ZNF462: variants seen among roughly 807,000 people sequenced by gnomAD.
ZNF462 encodes the protein zinc finger PBX1-interacting protein.
ZNF462 carries 10 observed loss-of-function variants against 201.9 expected under a neutral mutation model. That is an observed-to-expected ratio of 0.05 (90% CI 0.03 to 0.08). ZNF462 has a LOEUF of 0.08. ZNF462 is among the 10% of genes least tolerant of loss of function. ZNF462 has a pLI of 1.00. For missense variants in ZNF462, 2,523 were observed against 3,168.3 expected (o/e 0.80, Z 4.89); for synonymous variants, 1,227 against 1,193.3 (o/e 1.03, Z -0.58).
rs982142594 is a variant in ZNF462, at chr9:106,954,909, G to A, written c.6427+15802G>A. ...TTTTATTCTGAACAATGAATATAAGGCTGCTTCCTTCCTAGAGTAGATGTC... is the reference window on the plus strand; with the variant it reads ...TTTTATTCTGAACAATGAATATAAGACTGCTTCCTTCCTAGAGTAGATGTC... On this transcript the variant is annotated intron_variant, in intron 7 of 12. Transcript: ENST00000277225. The surrounding 1 kb of genome is among the most constrained non-coding windows in gnomAD (Gnocchi z 4.0). 7.9e-5 allele frequency among the ~76,000 whole-genome samples: 12 copies of A among 152,108 alleles called. No homozygotes were observed. The highest frequency in any genetic ancestry group is 1.3e-4 in the Admixed American group (2 of 15,246).
rs192672786 is a variant in ZNF462 at position 106,920,833 on chromosome 9, G to A, written c.-30-2521G>A. The stretch of plus-strand genomic sequence containing the variant: ...TGCCCTGCTTTCCTTCTGCAGAACC[G>A]TAACTTCTGTTGATGTTGTGCAAAT... On this transcript the variant is annotated intron_variant, in intron 1 of 12. Coordinates refer to ENST00000277225, the MANE Select transcript of ZNF462 (RefSeq NM_021224.6). The surrounding 1 kb of genome is among the most constrained non-coding windows in gnomAD (Gnocchi z 4.3). Among the ~76,000 whole-genome samples the A allele has an allele frequency of 5.3e-5, 8 of 152,234 alleles. No homozygotes were observed. In the East Asian group the frequency reaches 1.2e-3, roughly 22 times the overall value.
Position 106,925,480 on chromosome 9 carries a change from C to T in ZNF462, c.1568C>T (p.Ser523Leu). 1 of 1,614,158 alleles carries T rather than the reference C, an allele frequency of 6.2e-7. No homozygotes were observed. Residue 523 changes from serine (S) to leucine (L), a missense_variant, in exon 3 of 13, where the codon TCA (serine) becomes TTA (leucine). By Grantham distance (145) the Ser-to-Leu change is moderately radical. Transcript: ENST00000277225. This position sits in a 1 kb window ranked among gnomAD's most constrained non-coding sequence, Gnocchi z 7.9. Reference sequence around the variant, plus strand: ...GAAGGTGTGGTGTCTTATGAGAGCTCAAGCATCAATGGTAGAAAGTCAGGA... The same window carrying T: ...GAAGGTGTGGTGTCTTATGAGAGCTTAAGCATCAATGGTAGAAAGTCAGGA... The part of the protein sequence containing the change: ...LNEGVVSYES[S>L]SINGRKSGVM...
intron 7 of ZNF462, among the ~76,000 whole-genome samples, chr9:106,949,758 C>T (rs1831260255): frequency 6.6e-6 from 1 of 152,172 alleles, no homozygotes; most frequent in Admixed American, 6.5e-5. Context: ...GACTGGCTCA[C>T]AGCCTTGCTT....
Position 106,908,941 on chromosome 9 carries a change from A to T in ZNF462, c.-30-14413A>T, listed in dbSNP as rs13302321. 4.7e-3 allele frequency among the ~76,000 whole-genome samples: 118 copies of T among 25,328 alleles called. 3 individuals are homozygous for T. Among genetic ancestry groups the T allele is most frequent in the Non-Finnish European group, 5.5e-3 (84 of 15,276 alleles). 16.6% of individuals were successfully genotyped at this position (25,328 alleles called of 152,430 possible). A position where few individuals can be genotyped will look rare whatever the true frequency, so the allele number is the denominator to read the frequency against. On this transcript the variant is annotated intron_variant, in intron 1 of 12. Transcript: ENST00000277225. ...TATATATATATATATATATATATAT[A>T]TTTTTTTTTTTTTTTTTTTTTTTTT... is the stretch of plus-strand genomic sequence containing the variant.
chr9:106,889,590 A>G (rs1284075727), intron 1 of ZNF462, among the ~76,000 whole-genome samples: 1 of 152,208 alleles, frequency 6.6e-6, no homozygotes, highest in African/African-American at 2.4e-5. Flanking sequence ...TTTTCCTGTT[A>G]CTGAATGCTG....
In ZNF462 at chr9:107,002,810, C is replaced by T. The variant is rs141126423; in HGVS notation, c.7057-484C>T. ...GGCTGTCATCTGGCCTAAGCCGGGA[C>T]AGCCTGCAACACCCTGGTTGATGGG... On this transcript the variant is annotated intron_variant, in intron 10 of 12. Transcript: ENST00000277225. Among the ~76,000 whole-genome samples the T allele has an allele frequency of 3.0e-3, 462 of 152,320 alleles. 2 individuals carry two copies. The highest frequency in any genetic ancestry group is 9.7e-3 in the African/African-American group (405 of 41,582).
In ZNF462 at chr9:107,003,235, G is replaced by A; in HGVS notation, c.7057-59G>A. The A allele has an allele frequency of 2.5e-6, 4 of 1,598,502 alleles. No homozygotes were observed. The South Asian group carries it at 3.4e-5, about 14-fold the overall frequency. On this transcript the variant is annotated intron_variant, in intron 10 of 12. Transcript: ENST00000277225. The surrounding 1 kb of genome is among the most constrained non-coding windows in gnomAD (Gnocchi z 4.4). ...TGATGTTAGAAAGATCTCTCCATCA[G>A]GGAGAACCCCATTTGGTCTGCGGTT...
chr9:106,914,587 A>G (rs1466515902), intron 1 of ZNF462, among the ~76,000 whole-genome samples: 1 of 152,176 alleles, frequency 6.6e-6, no homozygotes, highest in Non-Finnish European at 1.5e-5. Flanking sequence ...TAGTTCATTC[A>G]TTTGTTCCTT....
intron 1 of ZNF462, among the ~76,000 whole-genome samples, chr9:106,921,661 A>T (rs1482592392): frequency 1.3e-5 from 2 of 152,196 alleles, no homozygotes; most frequent in Non-Finnish European, 2.9e-5. Context: ...TGCACACTGG[A>T]TGATCTGCTT....
chr9:106,999,315 A>G (rs1226150727), intron 10 of ZNF462, among the ~76,000 whole-genome samples: 1 of 152,160 alleles, frequency 6.6e-6, no homozygotes. Context: ...ATCAGTTCAA[A>G]ATATATGGGA....
At chr9:106,916,576 G>A (rs184856127) in intron 1 of ZNF462, among the ~76,000 whole-genome samples, 2 of 152,170 alleles carry the variant, frequency 1.3e-5, no homozygotes, top group Admixed American at 6.5e-5. Flanking sequence ...CTCTGGGGGG[G>A]GAGAAATCAG....
chr9:106,910,215 T>C (rs768652857), intron 1 of ZNF462, among the ~76,000 whole-genome samples: 1 of 152,122 alleles, frequency 6.6e-6, no homozygotes, highest in Non-Finnish European at 1.5e-5. Flanking sequence ...GCTGATGTCT[T>C]GTCATCTTGT....
chr9:106,877,178 GGTGGTGGTGGT>G (rs1032015227), intron 1 of ZNF462, among the ~76,000 whole-genome samples: 21 of 152,014 alleles, frequency 1.4e-4, no homozygotes, highest in African/African-American at 3.6e-4. Context: ...CTTTATTGGT[GGTGGTGGTGGT>G]GTGGTGGTGG....
rs534504810 is a variant in ZNF462, at chr9:106,918,999, G to C, written c.-30-4355G>C. Among the ~76,000 whole-genome samples the C allele has an allele frequency of 3.9e-5, 6 of 152,306 alleles. No individual in the cohort carries two copies. In the South Asian group the frequency reaches 1.2e-3, roughly 32 times the overall value. On this transcript the variant is annotated intron_variant, in intron 1 of 12. Coordinates refer to ENST00000277225, the MANE Select transcript of ZNF462 (RefSeq NM_021224.6). ...AGGAAAAGCACCTTATGGTGTTTCT[G>C]GTTCTATTTCTCAAAGGCTTTGAAG...
chr9:106,971,773 G>T (rs1826628874), intron 7 of ZNF462, among the ~76,000 whole-genome samples: 1 of 152,146 alleles, frequency 6.6e-6, no homozygotes, highest in African/African-American at 2.4e-5. Context: ...CATTACAAAT[G>T]GTAACTGTGA....
At chr9:106,949,376 A>G (rs1831243158) in intron 7 of ZNF462, among the ~76,000 whole-genome samples, 1 of 152,244 alleles carries the variant, frequency 6.6e-6, no homozygotes. Flanking sequence ...AGCCAAGAGA[A>G]CAATTTATGT....
In ZNF462 at chr9:106,865,269, A is replaced by C. The variant is rs1449307036; in HGVS notation, c.-31+1914A>C. On this transcript the variant is annotated intron_variant, in intron 1 of 12. Transcript: ENST00000277225. The surrounding 1 kb of genome is among the most constrained non-coding windows in gnomAD (Gnocchi z 4.1). ...ACCTCCTTCAGGAAAGGCAAGGCAAAAACCTTAAAACAGTTCCACTGAGGT... is the reference window on the plus strand; with the variant it reads ...ACCTCCTTCAGGAAAGGCAAGGCAACAACCTTAAAACAGTTCCACTGAGGT... 6.6e-6 allele frequency among the ~76,000 whole-genome samples: 1 copy of C among 152,148 alleles called. No homozygotes were observed. The highest frequency in any genetic ancestry group is 1.5e-5 in the Non-Finnish European group (1 of 68,026).
chr9:106,862,075 C>G (rs1277332222), upstream of ZNF462, among the ~76,000 whole-genome samples: 2 of 152,062 alleles, frequency 1.3e-5, no homozygotes, highest in East Asian at 1.9e-4. The surrounding 1 kb of genome is among the most constrained non-coding windows in gnomAD (Gnocchi z 4.2). Flanking sequence ...CCTCCTCCAC[C>G]CCCCCACCTT....
At position 106,970,004 on chromosome 9, in the gene ZNF462, C is replaced by T. The variant is rs545810275; in HGVS notation, c.6428-2001C>T. Among the ~76,000 whole-genome samples, 95 of 152,058 alleles carry T rather than the reference C, an allele frequency of 6.2e-4. No homozygotes were observed. Among genetic ancestry groups the T allele is most frequent in the Non-Finnish European group, 1.1e-3 (73 of 68,008 alleles). The stretch of plus-strand genomic sequence containing the variant: ...TTCAAGCAGAAACTAGACTTGAGGG[C>T]TTAAATAGAAAACATCTCAAACAAT... On this transcript the variant is annotated intron_variant, in intron 7 of 12. Transcript: ENST00000277225. The surrounding 1 kb of genome is among the most constrained non-coding windows in gnomAD (Gnocchi z 4.2).
Sources: allele counts gnomAD v4.1 joint callset (sites outside exome capture counted in the v4.1 genomes callset), GRCh38; gene constraint gnomAD v4.1.1; non-coding constraint Gnocchi (gnomAD v3.1); transcripts MANE v1.5; gene names NCBI Gene and HGNC (gene_info 2026-07-23, HGNC 2026-07-21).